Variants in SCN2A observed in about 807,000 individuals in gnomAD.
The protein encoded by SCN2A is sodium channel protein type 2 subunit alpha.
A neutral mutation model predicts 188.7 loss-of-function variants in SCN2A; 20 were observed. That is an observed-to-expected ratio of 0.11 (90% CI 0.07 to 0.15). The LOEUF is 0.15. SCN2A is among the 10% of genes least tolerant of loss of function. The pLI is 1.00. For missense variants in SCN2A, 1,278 were observed against 2,445.0 expected, an observed-to-expected ratio of 0.52 and a Z score of 10.07; for synonymous variants, 804 against 833.1, an observed-to-expected ratio of 0.97 and a Z score of 0.60.
At chr2:165,343,054 TA>T (rs1224030353) in intron 15 of SCN2A, among the ~76,000 whole-genome samples, 1 of 152,224 alleles carries the variant, frequency 6.6e-6, no homozygotes, top group Non-Finnish European at 1.5e-5. Flanking sequence ...TGATCTTTTA[TA>T]AAAACTATTA....
intron 14 of SCN2A, among the ~76,000 whole-genome samples, chr2:165,335,454 A>G (rs1211047061): frequency 2.0e-5 from 3 of 151,750 alleles, no homozygotes; most frequent in Non-Finnish European, 4.4e-5. Context: ...AAGTCTTCAT[A>G]TTTATGTTAA....
intron 17 of SCN2A, among the ~76,000 whole-genome samples, chr2:165,364,617 A>G (rs1309692055): frequency 6.6e-6 from 1 of 152,210 alleles, no homozygotes; most frequent in African/African-American, 2.4e-5. Context: ...TTAGAAAATT[A>G]TAGAATATAT....
intron 17 of SCN2A, among the ~76,000 whole-genome samples, chr2:165,355,849 A>C (rs1700154845): frequency 6.6e-6 from 1 of 152,076 alleles, no homozygotes; most frequent in African/African-American, 2.4e-5. Context: ...ATTCAAAAAA[A>C]TTAGCCAGGC....
intron 19 of SCN2A, among the ~76,000 whole-genome samples, chr2:165,367,887 C>A (rs1001900469): frequency 6.6e-6 from 1 of 152,100 alleles, no homozygotes; most frequent in Non-Finnish European, 1.5e-5. Flanking sequence ...CCCACAGGAG[C>A]GTCTAGGGGA....
At chr2:165,366,365 C>T (rs1169092117) in intron 18 of SCN2A, among the ~76,000 whole-genome samples, 1 of 152,050 alleles carries the variant, frequency 6.6e-6, no homozygotes, top group African/African-American at 2.4e-5. Context: ...TCTAGCAATC[C>T]AGAAATTATA....
At chr2:165,336,791 C>A (rs1282111634) in intron 14 of SCN2A, among the ~76,000 whole-genome samples, 2 of 151,946 alleles carry the variant, frequency 1.3e-5, no homozygotes, top group African/African-American at 4.8e-5. Flanking sequence ...ATTCCAGATA[C>A]TTTACCCCCA....
intron 16 of SCN2A, among the ~76,000 whole-genome samples, chr2:165,351,631 G>A (rs1355649318): frequency 5.3e-5 from 8 of 151,856 alleles, no homozygotes; most frequent in African/African-American, 1.7e-4. Context: ...CATGTAAGTT[G>A]TGCAGAAGCA....
At chr2:165,363,259 T>C (rs550586718) in intron 17 of SCN2A, among the ~76,000 whole-genome samples, 150 of 152,270 alleles carry the variant, frequency 9.9e-4, no homozygotes, top group African/African-American at 3.5e-3. Flanking sequence ...AGTCATTCAG[T>C]AATGTCAGCC....
chr2:165,281,287 G>A (rs1238190512), intron 1 of SCN2A, among the ~76,000 whole-genome samples: 1 of 152,120 alleles, frequency 6.6e-6, no homozygotes, highest in Non-Finnish European at 1.5e-5. Flanking sequence ...TGGTTAGAGT[G>A]TGTGAAAGTG....
intron 15 of SCN2A, among the ~76,000 whole-genome samples, chr2:165,342,884 C>A (rs548324889): frequency 1.3e-5 from 2 of 151,982 alleles, no homozygotes; most frequent in African/African-American, 4.8e-5. Context: ...ACCTTGTCCC[C>A]GTAGAGGAAA....
chr2:165,278,673 C>T (rs1344301250), intron 1 of SCN2A, among the ~76,000 whole-genome samples: 1 of 152,196 alleles, frequency 6.6e-6, no homozygotes, highest in Non-Finnish European at 1.5e-5. Context: ...CAAAGTGGCT[C>T]ATGGCCATAA....
chr2:165,342,429 C>T lies in SCN2A; in HGVS notation c.2522C>T (p.Ala841Val). The stretch of plus-strand genomic sequence containing the variant: ...CTTAGTTTAATGGAACTTGGTTTGG[C>T]AAATGTGGAAGGATTGTCAGTTCTC... ...VSLSLMELGL[A>V]NVEGLSVLRS... Residue 841 changes from alanine (A) to valine (V), a missense_variant, in exon 15 of 27, where the codon GCA becomes GTA. Physicochemically the swap from Ala to Val is moderately conservative, Grantham distance 64 (BLOSUM62 0). This residue lies in a region of SCN2A where 83 missense variants were observed against 256.8 expected (regional missense o/e 0.32). Coordinates refer to ENST00000375437, the MANE Select transcript of SCN2A (RefSeq NM_001040142.2). 1 of 1,613,920 alleles carries T rather than the reference C, an allele frequency of 6.2e-7. No individual in the cohort carries two copies. The highest frequency in any genetic ancestry group is 8.5e-7 in the Non-Finnish European group (1 of 1,179,956).
chr2:165,320,712 C>T (rs1051725773), intron 11 of SCN2A, among the ~76,000 whole-genome samples: 1 of 152,216 alleles, frequency 6.6e-6, no homozygotes, highest in Non-Finnish European at 1.5e-5. Flanking sequence ...TCTACATTTG[C>T]CCCTTTCAGC....
chr2:165,306,017 G>T (rs1697106661), intron 3 of SCN2A, among the ~76,000 whole-genome samples: 1 of 152,168 alleles, frequency 6.6e-6, no homozygotes, highest in Non-Finnish European at 1.5e-5. Context: ...AATGGGGAAG[G>T]TGTCCAGAAT....
rs112896860 is a variant in SCN2A, at chr2:165,312,768, A to G, written c.1034+680A>G. Among the ~76,000 whole-genome samples, 7 of 152,234 alleles carry G rather than the reference A, an allele frequency of 4.6e-5. 1 individual carries two copies. Among genetic ancestry groups the G allele is most frequent in the African/African-American group, 1.7e-4 (7 of 41,542 alleles). ...CTAGGAAAATTTAAAAACACAGTTA[A>G]TTTTCTTTATTTAGCAAGATTTTAG... On this transcript the variant is annotated intron_variant, in intron 8 of 26. Transcript: ENST00000375437.
chr2:165,309,548 T>C (rs1407450111), intron 6 of SCN2A, 105 bp downstream of exon 6: 8 of 1,339,166 alleles, frequency 6.0e-6, no homozygotes, highest in African/African-American at 2.9e-5. Context: ...CAAATAAATA[T>C]GTAAAAAAGC....
chr2:165,388,554 T>A (rs946123527), intron 26 of SCN2A, 75 bp from the exon 27 acceptor site: 1 of 1,594,124 alleles, frequency 6.3e-7, no homozygotes, highest in African/African-American at 1.3e-5. Flanking sequence ...TTTGTAAAAC[T>A]AATGTACTTA....
At chr2:165,266,626 C>G (rs951781644) in intron 1 of SCN2A, 1 of 152,102 alleles carries the variant, frequency 6.6e-6, no homozygotes, top group African/African-American at 2.4e-5. Context: ...TTCTTACTCT[C>G]ATTATTTCTG....
At chr2:165,292,573 T>C (rs13028154) in intron 1 of SCN2A, among the ~76,000 whole-genome samples, 44,938 of 152,088 alleles carry the variant, frequency 0.3, 6,952 homozygotes, top group Middle Eastern at 0.45. Context: ...AGTGAGAAGA[T>C]GTGGTATTTT....
Sources: gnomAD v4.1 joint callset for allele counts (sites outside exome capture counted in the v4.1 genomes callset) on GRCh38, gnomAD v4.1.1 for gene constraint, gnomAD v4.1.1 regional missense constraint, MANE v1.5 for transcripts, NCBI Gene and HGNC (gene_info 2026-07-23, HGNC 2026-07-21) for gene names.